Variants in PCDHA4 observed in about 807,000 individuals in gnomAD.
PCDHA4 encodes protocadherin alpha 4.
In PCDHA4, 49 loss-of-function variants were observed where a neutral mutation model predicts 61.4. The ratio of observed to expected loss-of-function variants is 0.80; its 90% CI spans 0.63 to 1.01. The LOEUF (loss-of-function observed/expected upper bound fraction) is 1.01, where lower values mean the gene tolerates loss of function less well. Among genes scored for constraint, PCDHA4 ranks in the 50% least tolerant of loss-of-function variants. The pLI is 0.00. For synonymous variants in PCDHA4, 590 were observed against 550.3 expected, an observed-to-expected ratio of 1.07 and a Z score of -1.01; for missense variants, 1,254 against 1,235.8, an observed-to-expected ratio of 1.01 and a Z score of -0.22.
At chr5:140,842,042 A>G (rs2150327853) in intron 1 of PCDHA4, 8 of 1,613,906 alleles carry the variant, frequency 5.0e-6, no homozygotes, top group East Asian at 2.2e-5. Flanking sequence ...TAATGCTCCC[A>G]CTTTCGAACA....
In PCDHA4 at chr5:140,851,667, T is replaced by A. The variant is rs628871; in HGVS notation, c.2385+42095T>A. 6.8e-5 allele frequency: 62 copies of A among 912,304 alleles called. 4 individuals carry two copies. Among genetic ancestry groups the A allele is most frequent in the Non-Finnish European group, 7.9e-5 (59 of 749,702 alleles). 56.5% of individuals were successfully genotyped at this position (912,304 alleles called of 1,614,324 possible). A position where few individuals can be genotyped will look rare whatever the true frequency, so the allele number is the denominator to read the frequency against. ...TTCAAGAAGACATTCTCCTTTTAAT[T>A]GAAATTTTCTCCATTCAGTGATAAA... is the stretch of plus-strand genomic sequence containing the variant. On this transcript the variant is annotated intron_variant, in intron 1 of 3. Coordinates refer to ENST00000530339, the MANE Select transcript of PCDHA4 (RefSeq NM_018907.4).
In PCDHA4 at chr5:140,843,229, C is replaced by T. The variant is rs2150355539; in HGVS notation, c.2385+33657C>T. ...CGGGCGAGATCAGCACCACTCGTGT[C>T]CTGGACGAAGCGGACTCTCCGCGCC... is the stretch of plus-strand genomic sequence containing the variant. On this transcript the variant is annotated intron_variant, in intron 1 of 3. Transcript: ENST00000530339. The T allele has an allele frequency of 3.8e-6, 6 of 1,596,144 alleles. 1 individual carries two copies. Among genetic ancestry groups the T allele is most frequent in the East Asian group, 4.5e-5 (2 of 44,818 alleles).
intron 1 of PCDHA4, among the ~76,000 whole-genome samples, chr5:140,931,344 A>G (rs1233861770): frequency 6.6e-6 from 1 of 151,910 alleles, no homozygotes; most frequent in East Asian, 1.9e-4. Flanking sequence ...GGAGTGAGGA[A>G]TTTTTTTTAG....
intron 3 of PCDHA4, among the ~76,000 whole-genome samples, chr5:140,983,787 A>G (rs1439684844): frequency 6.6e-6 from 1 of 152,234 alleles, no homozygotes; most frequent in Non-Finnish European, 1.5e-5. Flanking sequence ...ATAACAGATG[A>G]CAGAATGTGT....
At chr5:140,836,560 C>T (rs2150264075) in intron 1 of PCDHA4, 2 of 1,613,740 alleles carry the variant, frequency 1.2e-6, no homozygotes, top group South Asian at 1.1e-5. Flanking sequence ...TGCTCAGCGC[C>T]GTCCTCTGAG....
At chr5:140,883,986 C>T in intron 1 of PCDHA4, 1 of 1,612,808 alleles carries the variant, frequency 6.2e-7, no homozygotes, top group Non-Finnish European at 8.5e-7. Flanking sequence ...GCTGGCAGCG[C>T]GGGAGGCACA....
At chr5:140,918,640 G>C (rs2078789038) in intron 1 of PCDHA4, among the ~76,000 whole-genome samples, 1 of 152,132 alleles carries the variant, frequency 6.6e-6, no homozygotes, top group Admixed American at 6.5e-5. Flanking sequence ...TTCATAAATT[G>C]AAACCTAATT....
At chr5:140,962,405 C>A (rs2095680586) in intron 1 of PCDHA4, among the ~76,000 whole-genome samples, 1 of 152,200 alleles carries the variant, frequency 6.6e-6, no homozygotes, top group South Asian at 2.1e-4. Context: ...TGCCCCAAAC[C>A]TGTCTCTCCC....
chr5:140,835,534 AG>A, intron 1 of PCDHA4: 1 of 1,613,954 alleles, frequency 6.2e-7, no homozygotes, highest in Non-Finnish European at 8.5e-7. Flanking sequence ...GTCAACGGAC[AG>A]GTTACCTGCT....
At chr5:140,965,318 C>T (rs1397101710) in intron 1 of PCDHA4, among the ~76,000 whole-genome samples, 1 of 152,104 alleles carries the variant, frequency 6.6e-6, no homozygotes, top group Non-Finnish European at 1.5e-5. Flanking sequence ...TTCTCTTTTA[C>T]TGAAGTGAAT....
chr5:140,857,649 T>G, intron 1 of PCDHA4: 1 of 1,596,586 alleles, frequency 6.3e-7, no homozygotes, highest in Non-Finnish European at 8.6e-7. Context: ...CAGTTCCAGG[T>G]GAGCGCGCGC....
chr5:140,969,399 AT>A, intron 1 of PCDHA4: 1 of 1,580,514 alleles, frequency 6.3e-7, no homozygotes, highest in Non-Finnish European at 8.6e-7. Context: ...ATATCCTGTG[AT>A]TTGGCTTTAT....
intron 1 of PCDHA4, chr5:140,968,039 G>A (rs1016266543): frequency 1.7e-5 from 28 of 1,614,026 alleles, no homozygotes; most frequent in Non-Finnish European, 1.9e-5. Context: ...GGTGGTGAGC[G>A]GCCCACTGGA....
intron 1 of PCDHA4, chr5:140,862,416 C>A: frequency 2.8e-6 from 1 of 351,276 alleles, no homozygotes; most frequent in South Asian, 2.2e-5. Flanking sequence ...TCAAAAGGCG[C>A]TGCCCAGAAA....
intron 1 of PCDHA4, chr5:140,861,171 A>G (rs2046785081): frequency 6.3e-6 from 1 of 158,188 alleles, no homozygotes; most frequent in Non-Finnish European, 1.4e-5. Flanking sequence ...TCTCAGAGGA[A>G]CTAAGTCTTT....
rs1554150162 is a variant in PCDHA4 at position 140,857,521 on chromosome 5, C to T, written c.2385+47949C>T. 5 of 1,598,106 alleles carry T rather than the reference C, an allele frequency of 3.1e-6. 1 individual carries two copies. In the South Asian group the frequency reaches 4.4e-5, roughly 14 times the overall value. On this transcript the variant is annotated intron_variant, in intron 1 of 3. Coordinates refer to ENST00000530339, the MANE Select transcript of PCDHA4 (RefSeq NM_018907.4). Reference sequence around the variant, plus strand: ...CGCAGGAGAACGCCCTGGTGTCCTACTCTCTGGTGGAGCGGCGGTTGGGCG... The same window carrying T: ...CGCAGGAGAACGCCCTGGTGTCCTATTCTCTGGTGGAGCGGCGGTTGGGCG...
chr5:140,968,095 TGGG>T (rs1554230332), intron 1 of PCDHA4: 1 of 1,613,884 alleles, frequency 6.2e-7, no homozygotes, highest in African/African-American at 1.3e-5. Flanking sequence ...CAGCCACAGA[TGGG>T]GGAATACCGC....
In PCDHA4 at chr5:140,857,031, C is replaced by A. The variant is rs782539359; in HGVS notation, c.2385+47459C>A. 6 of 1,596,318 alleles carry A rather than the reference C, an allele frequency of 3.8e-6. No homozygotes were observed. The South Asian group carries it at 6.6e-5, about 18-fold the overall frequency. On this transcript the variant is annotated intron_variant, in intron 1 of 3. Coordinates refer to ENST00000530339, the MANE Select transcript of PCDHA4 (RefSeq NM_018907.4). The stretch of plus-strand genomic sequence containing the variant: ...GATGTTACAGATAAGGGAAACCCAC[C>A]TATGGTTGGTCACTGCACGGTCCTA...
At chr5:140,968,353 C>A (rs1377792748) in intron 1 of PCDHA4, 1 of 1,614,106 alleles carries the variant, frequency 6.2e-7, no homozygotes, top group Non-Finnish European at 8.5e-7. Context: ...GTGCCAGTGG[C>A]AGCCTTTATG....
Sources: allele counts gnomAD v4.1 joint callset (sites outside exome capture counted in the v4.1 genomes callset), GRCh38; gene constraint gnomAD v4.1.1; transcripts MANE v1.5; gene names NCBI Gene and HGNC (gene_info 2026-07-23, HGNC 2026-07-21).